Variants in CLYBL observed in about 807,000 individuals in gnomAD.
The protein encoded by CLYBL is citramalyl-CoA lyase.
CLYBL carries 31 observed loss-of-function variants against 38.9 expected under a neutral mutation model. The observed-to-expected ratio is 0.80, with a 90% CI of 0.60 to 1.08. CLYBL has a LOEUF of 1.08. Ranked by LOEUF, CLYBL falls within the 50% of genes least tolerant of loss-of-function variation. CLYBL has a pLI of 0.00. For missense variants in CLYBL, 434 were observed against 411.6 expected, an observed-to-expected ratio of 1.05 and a Z score of -0.47; for synonymous variants, 171 against 158.6, an observed-to-expected ratio of 1.08 and a Z score of -0.59.
At chr13:99,652,689 C>T (rs1674968209) in intron 1 of CLYBL, among the ~76,000 whole-genome samples, 1 of 152,216 alleles carries the variant, frequency 6.6e-6, no homozygotes, top group South Asian at 2.1e-4. Flanking sequence ...CCGAATGTTC[C>T]AGCAATGCTA....
At chr13:99,847,967 T>C (rs533428845) in intron 2 of CLYBL, among the ~76,000 whole-genome samples, 67 of 152,130 alleles carry the variant, frequency 4.4e-4, no homozygotes, top group Non-Finnish European at 8.4e-4. Flanking sequence ...TGCCTGTCTG[T>C]CTGTCTGCCT....
rs1376079912 is a variant in CLYBL, at chr13:99,869,725, G to T, written c.803-1213G>T. On this transcript the variant is annotated intron_variant, in intron 6 of 8. Transcript: ENST00000339105. This position sits in a 1 kb window ranked among gnomAD's most constrained non-coding sequence, Gnocchi z 4.3. ...CATTCTAATAGAATAATGACAATAGGAATTGACAGCAAGGATATAAAACAT... is the reference window on the plus strand; with the variant it reads ...CATTCTAATAGAATAATGACAATAGTAATTGACAGCAAGGATATAAAACAT... 4.3e-4 allele frequency among the ~76,000 whole-genome samples: 66 copies of T among 151,882 alleles called. 2 individuals are homozygous for T. Among genetic ancestry groups the T allele is most frequent in the Admixed American group, 4.3e-3 (66 of 15,266 alleles).
chr13:99,697,328 C>T (rs764884221), intron 1 of CLYBL, among the ~76,000 whole-genome samples: 2 of 152,184 alleles, frequency 1.3e-5, no homozygotes, highest in Non-Finnish European at 2.9e-5. Context: ...CTCTCGCTTG[C>T]GTCTTCTTTC....
At chr13:99,639,865 C>G (rs2047069856) in intron 1 of CLYBL, among the ~76,000 whole-genome samples, 1 of 152,182 alleles carries the variant, frequency 6.6e-6, no homozygotes, top group Non-Finnish European at 1.5e-5. Context: ...CCAGTGCACT[C>G]TAGCCTGGGC....
At chr13:99,717,822 C>G (rs2048340530) in intron 1 of CLYBL, among the ~76,000 whole-genome samples, 1 of 151,984 alleles carries the variant, frequency 6.6e-6, no homozygotes, top group African/African-American at 2.4e-5. Flanking sequence ...ATCTGTACAA[C>G]TTGGGTGTGT....
chr13:99,712,118 T>C (rs1050535710), intron 1 of CLYBL, among the ~76,000 whole-genome samples: 2 of 152,188 alleles, frequency 1.3e-5, no homozygotes, highest in Non-Finnish European at 2.9e-5. Flanking sequence ...GACTTCAACA[T>C]ACTTTGCAGG....
intron 1 of CLYBL, among the ~76,000 whole-genome samples, chr13:99,622,334 T>C (rs987750769): frequency 3.9e-5 from 6 of 152,256 alleles, no homozygotes; most frequent in Non-Finnish European, 7.3e-5. Flanking sequence ...TCCACTGTTA[T>C]AGATTCAGGT....
At chr13:99,773,109 C>T (rs1266310018) in intron 2 of CLYBL, 99 bp downstream of exon 2, 10 of 992,236 alleles carry the variant, frequency 1.0e-5, no homozygotes, top group Non-Finnish European at 1.5e-5. Flanking sequence ...TTCTACCACA[C>T]TCATCTTTTG....
chr13:99,677,502 C>T lies in CLYBL; in HGVS notation c.62+70745C>T, dbSNP rs567904587. The stretch of plus-strand genomic sequence containing the variant: ...TGTCTGTGTCTGTGTGTGTTTTAAA[C>T]GTTTCCATAATGAGTTCCCAAGTGC... On this transcript the variant is annotated intron_variant, in intron 1 of 8. Transcript: ENST00000339105. 4.6e-5 allele frequency among the ~76,000 whole-genome samples: 7 copies of T among 152,234 alleles called. No individual in the cohort carries two copies. The South Asian group carries it at 1.5e-3, about 32-fold the overall frequency.
chr13:99,861,782 AT>A (rs1335792279), intron 3 of CLYBL, among the ~76,000 whole-genome samples: 1 of 152,068 alleles, frequency 6.6e-6, no homozygotes, highest in Non-Finnish European at 1.5e-5. Context: ...CAGTGATTAG[AT>A]TTTTTAGGGG....
chr13:99,713,022 T>A (rs897820926), intron 1 of CLYBL, among the ~76,000 whole-genome samples: 9 of 152,226 alleles, frequency 5.9e-5, no homozygotes, highest in African/African-American at 2.2e-4. Flanking sequence ...TTGGTGTTCT[T>A]CAGACTTCAT....
chr13:99,664,385 C>T (rs1488731524), intron 1 of CLYBL, among the ~76,000 whole-genome samples: 1 of 152,216 alleles, frequency 6.6e-6, no homozygotes, highest in Non-Finnish European at 1.5e-5. Flanking sequence ...TTGCAAAATG[C>T]TGCTTTAGAA....
At chr13:99,807,570 A>C (rs2050257127) in intron 2 of CLYBL, among the ~76,000 whole-genome samples, 1 of 152,186 alleles carries the variant, frequency 6.6e-6, no homozygotes, top group African/African-American at 2.4e-5. Context: ...CCAGTCACAA[A>C]AGGACAAATC....
chr13:99,807,857 A>G (rs1288241078), intron 2 of CLYBL, among the ~76,000 whole-genome samples: 1 of 152,204 alleles, frequency 6.6e-6, no homozygotes, highest in African/African-American at 2.4e-5. Context: ...CTTGGGCCTA[A>G]TCTAGGATAT....
At chr13:99,717,436 G>A (rs1280614224) in intron 1 of CLYBL, among the ~76,000 whole-genome samples, 639 of 90,962 alleles carry the variant, frequency 7.0e-3, no homozygotes, top group Middle Eastern at 0.016. Flanking sequence ...AAAAAAATTA[G>A]AAAAAAAAAA....
chr13:99,641,727 G>A (rs1175473836), intron 1 of CLYBL, among the ~76,000 whole-genome samples: 2 of 152,122 alleles, frequency 1.3e-5, no homozygotes, highest in Non-Finnish European at 2.9e-5. Context: ...CAGGAGAATG[G>A]CGTGAACCCG....
intron 2 of CLYBL, among the ~76,000 whole-genome samples, chr13:99,846,286 ATTTTTTTTTTTTT>A (rs5806139): frequency 9.2e-6 from 1 of 108,144 alleles, no homozygotes; most frequent in Non-Finnish European, 1.9e-5. Context: ...TTGTGTGGAG[ATTTTTTTTTTTTT>A]TTTTTTTTTT....
chr13:99,900,259 A>G (rs567699051), downstream of CLYBL, among the ~76,000 whole-genome samples: 1 of 152,204 alleles, frequency 6.6e-6, no homozygotes, highest in African/African-American at 2.4e-5. Context: ...GATGAAGTAT[A>G]TGCTCTCACA....
chr13:99,756,311 G>T (rs9513658), intron 1 of CLYBL, among the ~76,000 whole-genome samples: 1 of 152,144 alleles, frequency 6.6e-6, no homozygotes, highest in East Asian at 1.9e-4. Flanking sequence ...TGTTCAGCAA[G>T]CCCAAGTCCT....
Sources: gnomAD v4.1 joint callset for allele counts (sites outside exome capture counted in the v4.1 genomes callset) on GRCh38, gnomAD v4.1.1 for gene constraint, Gnocchi (gnomAD v3.1) non-coding constraint, MANE v1.5 for transcripts, NCBI Gene and HGNC (gene_info 2026-07-23, HGNC 2026-07-21) for gene names.